RFX3: variants seen among roughly 807,000 people sequenced by gnomAD.
The protein encoded by RFX3 is regulatory factor X3, also known as transcription factor RFX3.
RFX3 carries 14 observed loss-of-function variants against 98.6 expected under a neutral mutation model. The observed-to-expected ratio is 0.14, with a 90% CI of 0.09 to 0.22. The LOEUF is 0.22. Ranked by LOEUF, RFX3 falls within the 10% of genes least tolerant of loss-of-function variation. RFX3 has a pLI of 1.00. For synonymous variants in RFX3, 383 were observed against 328.4 expected (o/e 1.17, Z -1.80); for missense variants, 639 against 926.9 (o/e 0.69, Z 4.03).
intron 1 of RFX3, among the ~76,000 whole-genome samples, chr9:3,432,247 A>G (rs1397116620): frequency 6.6e-6 from 1 of 152,182 alleles, no homozygotes; most frequent in East Asian, 1.9e-4. Flanking sequence ...CCATGAGTTC[A>G]GTACCAAAGG....
chr9:3,346,143 G>A (rs1412360525), intron 3 of RFX3, among the ~76,000 whole-genome samples: 7 of 152,130 alleles, frequency 4.6e-5, no homozygotes, highest in Non-Finnish European at 1.0e-4. Flanking sequence ...TTATATTATT[G>A]TTGATGCAAA....
chr9:3,412,231 A>G lies in RFX3; in HGVS notation c.-8-16635T>C, dbSNP rs551711043. On this transcript the variant is annotated intron_variant, in intron 1 of 16. Transcript: ENST00000617270. ...TAATCATGTTGTATTACTTTACTTT[A>G]TCTATGTTCAGAGAAATGTAAGCTC... 3.3e-5 allele frequency among the ~76,000 whole-genome samples: 5 copies of G among 152,298 alleles called. No homozygotes were observed. In the South Asian group the frequency reaches 1.0e-3, roughly 32 times the overall value.
In RFX3 at chr9:3,395,502, C is replaced by G. The variant is rs776220624; in HGVS notation, c.87G>C (p.Gln29His). The G allele has an allele frequency of 6.2e-7, 1 of 1,614,088 alleles. No individual in the cohort carries two copies. Among genetic ancestry groups the G allele is most frequent in the South Asian group, 1.1e-5 (1 of 91,076 alleles). ...SVASQAAVPTQVVQQVPVQQQ... is the reference protein window; with the variant it reads ...SVASQAAVPTHVVQQVPVQQQ... ...GTTGTACTGGTACTTGCTGTACCACCTGCGTAGGCACTGCTGCTTGACTAG... is the reference window on the plus strand; with the variant it reads ...GTTGTACTGGTACTTGCTGTACCACGTGCGTAGGCACTGCTGCTTGACTAG... The change falls in exon 2 of 17, where the codon CAG (glutamine) becomes CAC (histidine). Residue 29 changes from glutamine to histidine, a missense_variant. Transcript: ENST00000617270.
intron 8 of RFX3, 21 bp from the exon 9 acceptor site, chr9:3,275,633 C>G: frequency 1.4e-6 from 2 of 1,450,702 alleles, no homozygotes; most frequent in Non-Finnish European, 1.9e-6. Flanking sequence ...GACAACAGAA[C>G]AGAAAAAAGC....
intron 1 of RFX3, among the ~76,000 whole-genome samples, chr9:3,405,878 T>C (rs1841919328): frequency 6.6e-6 from 1 of 152,138 alleles, no homozygotes; most frequent in African/African-American, 2.4e-5. Flanking sequence ...CTGCCTACTG[T>C]CTCCCCAAGT....
At chr9:3,333,304 T>G (rs1832801876) in intron 3 of RFX3, among the ~76,000 whole-genome samples, 1 of 152,168 alleles carries the variant, frequency 6.6e-6, no homozygotes, top group Non-Finnish European at 1.5e-5. Flanking sequence ...ACAATATATA[T>G]TTTAGTAAAG....
chr9:3,449,541 G>T (rs1846374290), intron 1 of RFX3, among the ~76,000 whole-genome samples: 1 of 152,162 alleles, frequency 6.6e-6, no homozygotes, highest in Admixed American at 6.6e-5. Flanking sequence ...TGATTTAAAA[G>T]ACTATTCTTT....
Position 3,508,956 on chromosome 9 carries a change from G to GACAC in RFX3, c.-9+16787_-9+16790dup, listed in dbSNP as rs373440025. Among the ~76,000 whole-genome samples, 1,019 of 147,830 alleles carry GACAC rather than the reference G, an allele frequency of 6.9e-3. 9 individuals carry two copies. Among genetic ancestry groups the GACAC allele is most frequent in the Non-Finnish European group, 8.2e-3 (546 of 66,398 alleles). On this transcript the variant is annotated intron_variant, in intron 1 of 16. Coordinates refer to ENST00000617270, the MANE Select transcript of RFX3 (RefSeq NM_001282116.2). ...GATTTACTTCTAATTGTAAAACACA[G>GACAC]ACACACACACACACACACACAGAAA...
intron 1 of RFX3, among the ~76,000 whole-genome samples, chr9:3,523,568 A>T (rs1818936958): frequency 6.6e-6 from 1 of 152,224 alleles, no homozygotes; most frequent in African/African-American, 2.4e-5. Flanking sequence ...CCTCAAAAAA[A>T]GTTCTCAGAC....
chr9:3,390,820 T>C (rs1203969307), intron 2 of RFX3, among the ~76,000 whole-genome samples: 3 of 152,136 alleles, frequency 2.0e-5, no homozygotes, highest in Non-Finnish European at 4.4e-5. Context: ...GTCCCTTAAA[T>C]GCTTTTTCCT....
chr9:3,447,666 A>C (rs1186045746), intron 1 of RFX3, among the ~76,000 whole-genome samples: 2 of 152,192 alleles, frequency 1.3e-5, no homozygotes. Context: ...TTCATTCAAG[A>C]TTTGGTTCCA....
rs140406425 is a variant in RFX3 at position 3,462,694 on chromosome 9, C to T, written c.-9+63053G>A. On this transcript the variant is annotated intron_variant, in intron 1 of 16. Coordinates refer to ENST00000617270, the MANE Select transcript of RFX3 (RefSeq NM_001282116.2). ...CTATTAGAAACAGTGCATTTAGTAA[C>T]ATTACAGTGTTACAAGGTCAAAATA... Among the ~76,000 whole-genome samples the T allele has an allele frequency of 1.2e-4, 19 of 152,130 alleles. No individual in the cohort carries two copies. In the East Asian group the frequency reaches 3.7e-3, roughly 29 times the overall value.
In RFX3 at chr9:3,525,802, GGAGGAGGAGGAGGAA is replaced by G. The variant is rs1212211270; in HGVS notation, c.-79_-65del. On this transcript the variant is annotated 5_prime_UTR_variant, in exon 1 of 17. Coordinates refer to ENST00000617270, the MANE Select transcript of RFX3 (RefSeq NM_001282116.2). ...TGGGTGATGGAGATGGTGGTGGTGGGGAGGAGGAGGAGGAAGAGGAGGAGGAGGAGGAGAGGAGTA... is the reference window on the plus strand; with the variant it reads ...TGGGTGATGGAGATGGTGGTGGTGGGGAGGAGGAGGAGGAGGAGAGGAGTA... 5.3e-5 allele frequency: 32 copies of G among 607,306 alleles called. No homozygotes were observed. Among genetic ancestry groups the G allele is most frequent in the Non-Finnish European group, 6.2e-5 (30 of 484,220 alleles). The allele number at this position is 607,306 out of a possible 1,614,324, so 37.6% of individuals were successfully genotyped here. A position where few individuals can be genotyped will look rare whatever the true frequency, so the allele number is the denominator to read the frequency against.
intron 15 of RFX3, among the ~76,000 whole-genome samples, chr9:3,237,015 A>G (rs1033758483): frequency 6.6e-6 from 1 of 152,204 alleles, no homozygotes; most frequent in Non-Finnish European, 1.5e-5. Flanking sequence ...GGAATAAGAT[A>G]TCTCTTTGGG....
chr9:3,353,329 C>T (rs1835381216), intron 2 of RFX3, among the ~76,000 whole-genome samples: 1 of 151,682 alleles, frequency 6.6e-6, no homozygotes, highest in Admixed American at 6.6e-5. Context: ...CACATGTACC[C>T]TAAAACTTAA....
intron 1 of RFX3, among the ~76,000 whole-genome samples, chr9:3,430,667 T>A (rs1039923883): frequency 6.6e-6 from 1 of 152,180 alleles, no homozygotes; most frequent in Non-Finnish European, 1.5e-5. Flanking sequence ...AAATATGTTT[T>A]ATATATCAGA....
intron 1 of RFX3, among the ~76,000 whole-genome samples, chr9:3,519,856 A>G (rs1174744721): frequency 1.3e-5 from 2 of 152,068 alleles, no homozygotes; most frequent in African/African-American, 4.8e-5. Context: ...AAATATAAAG[A>G]TTTTGAAGCA....
chr9:3,332,631 G>C lies in RFX3; in HGVS notation c.216-2114C>G, dbSNP rs1013055813. ...TAAAACCGCTTAAAAACCTTTCCATGATTCTCTCTTGCCTTCAGAAAAAGT... is the reference window on the plus strand; with the variant it reads ...TAAAACCGCTTAAAAACCTTTCCATCATTCTCTCTTGCCTTCAGAAAAAGT... On this transcript the variant is annotated intron_variant, in intron 3 of 16. Transcript: ENST00000617270. Among the ~76,000 whole-genome samples the C allele has an allele frequency of 7.6e-4, 116 of 152,118 alleles. 1 individual carries two copies. The highest frequency in any genetic ancestry group is 1.9e-4 in the Non-Finnish European group (13 of 68,010).
chr9:3,350,591 G>A (rs766209345), intron 2 of RFX3, among the ~76,000 whole-genome samples: 8 of 152,166 alleles, frequency 5.3e-5, no homozygotes, highest in East Asian at 1.9e-4. Context: ...GTAAACTTAC[G>A]TATACACAAA....
Sources: allele counts gnomAD v4.1 joint callset (sites outside exome capture counted in the v4.1 genomes callset), GRCh38; gene constraint gnomAD v4.1.1; transcripts MANE v1.5; gene names NCBI Gene and HGNC (gene_info 2026-07-23, HGNC 2026-07-21).